ANXA8: variants seen among roughly 807,000 people sequenced by gnomAD.
ANXA8 encodes annexin A8.
Under a neutral mutation model 26.8 loss-of-function variants are expected in ANXA8, and 9 were observed. The ratio of observed to expected loss-of-function variants is 0.34; its 90% CI spans 0.20 to 0.59. The LOEUF (loss-of-function observed/expected upper bound fraction) is 0.59. ANXA8 is among the 20% of genes least tolerant of loss of function. The pLI is 0.84. For synonymous variants in ANXA8, 39 were observed against 94.8 expected (o/e 0.41, Z 3.42); for missense variants, 83 against 238.5 (o/e 0.35, Z 4.29).
At chr10:47,659,676 C>CAA in the ANXA8 span, among the ~76,000 whole-genome samples, 1 of 80,536 alleles carries the variant, frequency 1.2e-5, no homozygotes, top group Non-Finnish European at 2.6e-5. Flanking sequence ...AACTCTGTCT[C>CAA]AAAAAAAAAA....
the ANXA8 span, among the ~76,000 whole-genome samples, chr10:47,767,741 A>C: frequency 6.6e-6 from 1 of 151,668 alleles, no homozygotes; most frequent in African/African-American, 2.4e-5. Flanking sequence ...CAGGATCAAC[A>C]CTGGAATTTT....
At chr10:47,573,156 T>C in the ANXA8 span, among the ~76,000 whole-genome samples, 1 of 147,172 alleles carries the variant, frequency 6.8e-6, no homozygotes, top group Non-Finnish European at 1.5e-5. Context: ...CTAATTTTTG[T>C]ATTTTTAGTC....
the ANXA8 span, among the ~76,000 whole-genome samples, chr10:47,589,903 TGATAGATA>T: frequency 9.3e-3 from 1,175 of 125,706 alleles, 26 homozygotes; most frequent in South Asian, 0.015. Context: ...GATAGATAGA[TGATAGATA>T]GATAGATAGA....
the ANXA8 span, among the ~76,000 whole-genome samples, chr10:47,946,453 GGCCAGAGCCTGTCAGGCAGCAAAT>G: frequency 1.3e-5 from 2 of 150,462 alleles, no homozygotes; most frequent in Non-Finnish European, 2.9e-5. Context: ...CCAACATCAA[GGCCAGAGCCTGTCAGGCAGCAAAT>G]GCTTAGTAAG....
At chr10:47,616,592 T>C in the ANXA8 span, among the ~76,000 whole-genome samples, 13 of 55,056 alleles carry the variant, frequency 2.4e-4, 2 homozygotes, top group East Asian at 3.3e-3. Context: ...CATGTTTAGC[T>C]TCATCTTGAA....
chr10:47,548,684 A>C, the ANXA8 span, among the ~76,000 whole-genome samples: 3 of 147,876 alleles, frequency 2.0e-5, no homozygotes, highest in Admixed American at 1.4e-4. Context: ...CCATAAATGT[A>C]CATTTTCCAC....
the ANXA8 span, among the ~76,000 whole-genome samples, chr10:47,650,474 T>G: frequency 1.3e-5 from 2 of 151,878 alleles, no homozygotes; most frequent in East Asian, 1.9e-4. Context: ...TGTAAAGAAC[T>G]ATCACAGCTC....
chr10:47,696,272 G>C, the ANXA8 span: 1 of 405,180 alleles, frequency 2.5e-6, no homozygotes, highest in Non-Finnish European at 4.4e-6. Flanking sequence ...CCTTAGGCAG[G>C]TTATTTAACC....
At chr10:47,700,973 A>G in the ANXA8 span, among the ~76,000 whole-genome samples, 477 of 150,126 alleles carry the variant, frequency 3.2e-3, 1 homozygote, top group Middle Eastern at 0.024. Context: ...TCCCAGCTAC[A>G]TAGGAGGCTG....
chr10:47,776,066 G>A, the ANXA8 span, among the ~76,000 whole-genome samples: 11 of 152,208 alleles, frequency 7.2e-5, no homozygotes, highest in South Asian at 2.1e-4. Flanking sequence ...AGGAGAGGGC[G>A]CCAGTTGGTG....
At chr10:47,764,098 G>A in the ANXA8 span, among the ~76,000 whole-genome samples, 4 of 151,556 alleles carry the variant, frequency 2.6e-5, no homozygotes, top group Middle Eastern at 3.4e-3. Context: ...ATGAGAAGGC[G>A]GAGACCCAGG....
the ANXA8 span, among the ~76,000 whole-genome samples, chr10:47,673,301 AG>A: frequency 6.6e-6 from 1 of 151,588 alleles, no homozygotes; most frequent in South Asian, 2.1e-4. Flanking sequence ...CACCCTTAGA[AG>A]GCAGGATTGC....
the ANXA8 span, among the ~76,000 whole-genome samples, chr10:47,647,814 A>G: frequency 1.3e-5 from 2 of 151,948 alleles, no homozygotes; most frequent in Non-Finnish European, 2.9e-5. Context: ...CTACACTATG[A>G]CTATGAGTTA....
the ANXA8 span, chr10:47,715,509 T>C: frequency 1.6e-6 from 1 of 615,346 alleles, no homozygotes; most frequent in African/African-American, 1.9e-5. Flanking sequence ...ACCATTCATA[T>C]TTTGTCTCTG....
the ANXA8 span, among the ~76,000 whole-genome samples, chr10:47,918,377 G>GAA: frequency 5.6e-5 from 1 of 17,960 alleles, no homozygotes; most frequent in African/African-American, 4.4e-4. Flanking sequence ...GAGAGAGAGA[G>GAA]AGAGAGAGAA....
At chr10:47,914,909 C>T in the ANXA8 span, among the ~76,000 whole-genome samples, 1 of 152,202 alleles carries the variant, frequency 6.6e-6, no homozygotes, top group Admixed American at 6.5e-5. Flanking sequence ...CTTTTGGGGT[C>T]AGTTATTTTG....
chr10:47,624,069 T>C, the ANXA8 span, among the ~76,000 whole-genome samples: 2 of 100,110 alleles, frequency 2.0e-5, 1 homozygote, highest in Non-Finnish European at 4.2e-5. Flanking sequence ...ACCCGGTCTC[T>C]ACTAAAAATA....
the ANXA8 span, among the ~76,000 whole-genome samples, chr10:47,618,983 A>C: frequency 8.7e-6 from 1 of 114,782 alleles, no homozygotes; most frequent in Non-Finnish European, 1.9e-5. Flanking sequence ...CATAATTCTC[A>C]AAAAGTGTTT....
At chr10:47,939,139 A>G in the ANXA8 span, among the ~76,000 whole-genome samples, 5 of 145,432 alleles carry the variant, frequency 3.4e-5, 1 homozygote, top group African/African-American at 1.3e-4. Flanking sequence ...GCCCATCTCT[A>G]CTAAAGATAA....
Sources: gnomAD v4.1 joint callset for allele counts (sites outside exome capture counted in the v4.1 genomes callset) on GRCh38, gnomAD v4.1.1 for gene constraint, MANE v1.5 for transcripts, NCBI Gene and HGNC (gene_info 2026-07-23, HGNC 2026-07-21) for gene names.